The following RALGPS2 variants were observed in gnomAD, a reference collection of about 807,000 sequenced individuals.
RALGPS2 encodes Ral GEF with PH domain and SH3 binding motif 2.
A neutral mutation model predicts 86.8 loss-of-function variants in RALGPS2; 43 were observed. The observed-to-expected ratio is 0.50, with a 90% CI of 0.39 to 0.64. The LOEUF is 0.64. Among genes scored for constraint, RALGPS2 ranks in the 30% least tolerant of loss-of-function variants. RALGPS2 has a pLI of 0.00. For missense variants in RALGPS2, 536 were observed against 694.6 expected (o/e 0.77, Z 2.57); for synonymous variants, 243 against 231.3 (o/e 1.05, Z -0.46).
At chr1:178,909,643 ATTTT>A (rs57890269) in intron 19 of RALGPS2, among the ~76,000 whole-genome samples, 532 of 72,414 alleles carry the variant, frequency 7.3e-3, no homozygotes, top group African/African-American at 0.03. Context: ...TTCTTTTTTA[ATTTT>A]TTTTTTTTTT....
At chr1:178,826,322 A>G (rs979868890) in intron 7 of RALGPS2, among the ~76,000 whole-genome samples, 9 of 152,240 alleles carry the variant, frequency 5.9e-5, no homozygotes, top group African/African-American at 2.2e-4. Context: ...GGATGAATGA[A>G]TAGACAAAAT....
intron 8 of RALGPS2, among the ~76,000 whole-genome samples, chr1:178,835,095 C>T (rs1324314154): frequency 6.6e-6 from 1 of 152,136 alleles, no homozygotes; most frequent in Non-Finnish European, 1.5e-5. Context: ...CTGTGTTTTA[C>T]CATAGCCTTG....
At chr1:178,740,975 GA>G (rs1160429312) in intron 1 of RALGPS2, among the ~76,000 whole-genome samples, 1 of 152,200 alleles carries the variant, frequency 6.6e-6, no homozygotes, top group East Asian at 1.9e-4. Context: ...ATGACACATG[GA>G]AAGCTTAGAA....
At position 178,853,755 on chromosome 1, in the gene RALGPS2, C is replaced by T. The variant is rs567965738; in HGVS notation, c.607+20205C>T. The stretch of plus-strand genomic sequence containing the variant: ...TAAATCCCACTGACCGAATGCCCAG[C>T]TTCTTTTGCTTGCTGACAGTCTTTG... On this transcript the variant is annotated intron_variant, in intron 8 of 19. Coordinates refer to ENST00000367635, the MANE Select transcript of RALGPS2 (RefSeq NM_152663.5). 2 of 1,601,284 alleles carry T rather than the reference C, an allele frequency of 1.2e-6. No individual in the cohort carries two copies. Among genetic ancestry groups the T allele is most frequent in the African/African-American group, 2.7e-5 (2 of 73,902 alleles).
chr1:178,800,787 CT>C (rs1280967284), intron 4 of RALGPS2, among the ~76,000 whole-genome samples: 1 of 152,090 alleles, frequency 6.6e-6, no homozygotes, highest in Non-Finnish European at 1.5e-5. Context: ...ATTTACTACT[CT>C]TTCTATATAT....
intron 1 of RALGPS2, among the ~76,000 whole-genome samples, chr1:178,751,577 A>G (rs760666239): frequency 9.2e-5 from 14 of 152,146 alleles, no homozygotes; most frequent in Admixed American, 3.3e-4. Flanking sequence ...AAATAATAAT[A>G]TTTATCTTAG....
intron 1 of RALGPS2, among the ~76,000 whole-genome samples, chr1:178,776,416 C>G (rs953845432): frequency 1.3e-5 from 2 of 152,064 alleles, no homozygotes; most frequent in Non-Finnish European, 2.9e-5. Context: ...TTTTCCCTCG[C>G]AATACCCACT....
chr1:178,808,269 C>G, intron 5 of RALGPS2, 141 bp downstream of exon 5: 1 of 636,006 alleles, frequency 1.6e-6, no homozygotes, highest in Non-Finnish European at 2.8e-6. Flanking sequence ...TGTGCATGAT[C>G]TCTTTTTTTC....
intron 4 of RALGPS2, among the ~76,000 whole-genome samples, chr1:178,803,069 TAC>T (rs1177076599): frequency 3.3e-5 from 5 of 152,198 alleles, no homozygotes; most frequent in Non-Finnish European, 7.4e-5. Flanking sequence ...TTGTGAAACT[TAC>T]ATTCATTTCT....
intron 8 of RALGPS2, among the ~76,000 whole-genome samples, chr1:178,867,551 G>A (rs1442627050): frequency 2.0e-5 from 3 of 152,082 alleles, no homozygotes; most frequent in Non-Finnish European, 4.4e-5. Flanking sequence ...CTAGACCTAT[G>A]ATTTTTACCC....
chr1:178,750,964 C>T (rs980002873), intron 1 of RALGPS2, among the ~76,000 whole-genome samples: 7 of 152,094 alleles, frequency 4.6e-5, no homozygotes, highest in African/African-American at 1.2e-4. Context: ...AGTATTCATA[C>T]TTTGGGGGGA....
intron 8 of RALGPS2, among the ~76,000 whole-genome samples, chr1:178,871,795 C>T (rs1357357578): frequency 6.6e-6 from 1 of 152,062 alleles, no homozygotes; most frequent in Admixed American, 6.6e-5. Flanking sequence ...CAAACATAAC[C>T]CTGAACTGAG....
chr1:178,776,880 G>T, intron 2 of RALGPS2, 59 bp downstream of exon 2: 1 of 1,399,722 alleles, frequency 7.1e-7, no homozygotes, highest in Non-Finnish European at 1.0e-6. Flanking sequence ...AATTTTTCAA[G>T]CATTATGTTT....
Position 178,788,832 on chromosome 1 carries a change from T to TG in RALGPS2, c.213+3225_213+3226insG, listed in dbSNP as rs748925937. ...TCTTTTCTTTTCTTTTCTTTTGTTT[T>TG]CTTTCTTTCTTTCTTTTCTTTTCTT... On this transcript the variant is annotated intron_variant, in intron 4 of 19. Coordinates refer to ENST00000367635, the MANE Select transcript of RALGPS2 (RefSeq NM_152663.5). 3.7e-3 allele frequency among the ~76,000 whole-genome samples: 490 copies of TG among 133,800 alleles called. 1 individual carries two copies. The highest frequency in any genetic ancestry group is 0.013 in the African/African-American group (440 of 34,326). 87.8% of individuals were successfully genotyped at this position (133,800 alleles called of 152,430 possible).
intron 8 of RALGPS2, among the ~76,000 whole-genome samples, chr1:178,862,076 T>C (rs570133669): frequency 1.5e-4 from 23 of 152,124 alleles, no homozygotes; most frequent in Non-Finnish European, 2.2e-4. Flanking sequence ...TTTCACCATG[T>C]TGGCCAGGCT....
In RALGPS2 at chr1:178,840,864, G is replaced by A. The variant is rs201691055; in HGVS notation, c.607+7314G>A. 1.3e-3 allele frequency among the ~76,000 whole-genome samples: 191 copies of A among 152,034 alleles called. 2 individuals carry two copies. The highest frequency in any genetic ancestry group is 0.012 in the East Asian group (62 of 5,152). On this transcript the variant is annotated intron_variant, in intron 8 of 19. Coordinates refer to ENST00000367635, the MANE Select transcript of RALGPS2 (RefSeq NM_152663.5). Reference sequence around the variant, plus strand: ...ATACAAACTACCATCAGAGAATACTGTAAACACCTCTCTGCACATAAACTA... The same window carrying A: ...ATACAAACTACCATCAGAGAATACTATAAACACCTCTCTGCACATAAACTA...
intron 6 of RALGPS2, among the ~76,000 whole-genome samples, chr1:178,815,076 T>A (rs1383335850): frequency 6.6e-6 from 1 of 152,000 alleles, no homozygotes; most frequent in Non-Finnish European, 1.5e-5. Flanking sequence ...TTTTGTTTGT[T>A]TGTTTTTATT....
intron 8 of RALGPS2, among the ~76,000 whole-genome samples, chr1:178,848,598 G>A (rs1010264627): frequency 6.6e-6 from 1 of 152,136 alleles, no homozygotes; most frequent in Non-Finnish European, 1.5e-5. Flanking sequence ...TCATGGCTTT[G>A]TTAGATTTGC....
chr1:178,854,123 T>A (rs534423781), intron 8 of RALGPS2, among the ~76,000 whole-genome samples: 71 of 152,246 alleles, frequency 4.7e-4, no homozygotes, highest in African/African-American at 1.7e-3. Flanking sequence ...ATTGATATAT[T>A]TTTATCCTTC....
Sources: gnomAD v4.1 joint callset for allele counts (sites outside exome capture counted in the v4.1 genomes callset) on GRCh38, gnomAD v4.1.1 for gene constraint, MANE v1.5 for transcripts, NCBI Gene and HGNC (gene_info 2026-07-23, HGNC 2026-07-21) for gene names.